AKAP13: variants seen among roughly 807,000 people sequenced by gnomAD.
The protein encoded by AKAP13 is A-kinase anchoring protein 13, also known as A-kinase anchor protein 13.
AKAP13 carries 80 observed loss-of-function variants against 264.5 expected under a neutral mutation model. The observed-to-expected ratio is 0.30, with a 90% confidence interval of 0.25 to 0.36. The LOEUF (loss-of-function observed/expected upper bound fraction) is 0.36. Ranked by LOEUF, AKAP13 falls within the 10% of genes least tolerant of loss-of-function variation. AKAP13 has a pLI of 1.00. For missense variants in AKAP13, 3,712 were observed against 3,435.2 expected (o/e 1.08, Z -2.01); for synonymous variants, 1,380 against 1,250.2 (o/e 1.10, Z -2.19).
In AKAP13 at chr15:85,744,775, C is replaced by G; in HGVS notation, c.*98C>G. 1 of 1,171,162 alleles carries G rather than the reference C, an allele frequency of 8.5e-7. No homozygotes were observed. Among genetic ancestry groups the G allele is most frequent in the Non-Finnish European group, 1.2e-6 (1 of 836,894 alleles). The allele number at this position is 1,171,162 out of a possible 1,614,324, so 72.5% of individuals were successfully genotyped here. On this transcript the variant is annotated 3_prime_UTR_variant, in exon 37 of 37. Transcript: ENST00000394518. ...ACAAGTCTCTTACACTGGACGCCCA[C>G]TGCTCCTCAGCGTCCAGTCCTCCTG...
chr15:85,579,537 A>G lies in AKAP13; in HGVS notation c.1469A>G (p.Asp490Gly). The G allele has an allele frequency of 6.2e-7, 1 of 1,614,206 alleles. No individual in the cohort carries two copies. Among genetic ancestry groups the G allele is most frequent in the Non-Finnish European group, 8.5e-7 (1 of 1,180,034 alleles). ...ATGGAACATGGGCTCATGAACCCAG[A>G]TGCCACTGTTTGGAAGAATGTGCTT... ...GEMEHGLMNPDATVWKNVLQG... is the reference protein window; with the variant it reads ...GEMEHGLMNPGATVWKNVLQG... The change falls in exon 7 of 37, where the codon GAT (aspartate) becomes GGT (glycine). Residue 490 changes from aspartate to glycine, a missense_variant. This residue lies in a region of AKAP13 where 2,759 missense variants were observed against 2,411.7 expected (regional missense o/e 1.14). Coordinates refer to ENST00000394518, the MANE Select transcript of AKAP13 (RefSeq NM_007200.5).
chr15:85,575,095 A>C, intron 5 of AKAP13, 36 bp from the exon 6 acceptor site: 1 of 1,599,368 alleles, frequency 6.3e-7, no homozygotes, highest in Non-Finnish European at 8.6e-7. Flanking sequence ...TGGGAGGCAG[A>C]ATGTATATAT....
At position 85,619,960 on chromosome 15, in the gene AKAP13, G is replaced by A. The variant is rs968435755; in HGVS notation, c.4162-19414G>A. ...TGACCCCTTTGAGAGTTTTAATAGA[G>A]AGGAGTCTGGAAGGCAGAGATCTCC... On this transcript the variant is annotated intron_variant, in intron 8 of 36. Coordinates refer to ENST00000394518, the MANE Select transcript of AKAP13 (RefSeq NM_007200.5). The A allele has an allele frequency of 2.2e-5, 32 of 1,457,664 alleles. No individual in the cohort carries two copies. The African/African-American group carries it at 4.4e-4, about 20-fold the overall frequency. The allele number at this position is 1,457,664 out of a possible 1,614,324, so 90.3% of individuals were successfully genotyped here.
At chr15:85,387,680 T>TA (rs2070646456) in intron 1 of AKAP13, among the ~76,000 whole-genome samples, 1 of 152,120 alleles carries the variant, frequency 6.6e-6, no homozygotes, top group Non-Finnish European at 1.5e-5. Flanking sequence ...AGGGGGCAAT[T>TA]GACATTTTAA....
intron 1 of AKAP13, among the ~76,000 whole-genome samples, chr15:85,422,951 CAT>C (rs1325633022): frequency 6.6e-6 from 1 of 152,184 alleles, no homozygotes; most frequent in Non-Finnish European, 1.5e-5. Flanking sequence ...GCAAGTCACA[CAT>C]GTTTTTTGTT....
chr15:85,465,599 G>A (rs2074706265), intron 1 of AKAP13, among the ~76,000 whole-genome samples: 1 of 148,808 alleles, frequency 6.7e-6, no homozygotes, highest in Admixed American at 6.8e-5. Flanking sequence ...AGAACATGCG[G>A]TGTTTGGTTT....
intron 4 of AKAP13, chr15:85,535,640 A>AT (rs2077365304): frequency 6.6e-6 from 1 of 152,098 alleles, no homozygotes; most frequent in African/African-American, 2.4e-5. Context: ...ATAGTACTGC[A>AT]TTAGTTATTT....
chr15:85,547,389 T>C (rs2077788866), intron 5 of AKAP13, among the ~76,000 whole-genome samples: 2 of 152,236 alleles, frequency 1.3e-5, no homozygotes. Context: ...TCAAGGCTTA[T>C]TTTGATTGCC....
chr15:85,639,499 C>A, intron 9 of AKAP13, 50 bp downstream of exon 9: 2 of 1,359,764 alleles, frequency 1.5e-6, no homozygotes, highest in Non-Finnish European at 2.1e-6. Flanking sequence ...CCCACTCTGG[C>A]AGATCGTTTT....
intron 8 of AKAP13, among the ~76,000 whole-genome samples, chr15:85,639,000 C>T (rs1247308226): frequency 6.6e-6 from 1 of 152,158 alleles, no homozygotes. Flanking sequence ...CTCAAGCAGT[C>T]CTCCCACCTC....
chr15:85,644,880 C>G (rs2082482865), intron 9 of AKAP13, among the ~76,000 whole-genome samples: 1 of 152,104 alleles, frequency 6.6e-6, no homozygotes, highest in Non-Finnish European at 1.5e-5. Flanking sequence ...CCACAAATCT[C>G]TTTAACCGTG....
intron 8 of AKAP13, among the ~76,000 whole-genome samples, chr15:85,598,286 G>A (rs764678961): frequency 6.6e-6 from 1 of 152,102 alleles, no homozygotes; most frequent in African/African-American, 2.4e-5. Flanking sequence ...TTCTGGAGAG[G>A]ATGCATGATG....
At chr15:85,673,346 C>T (rs1376841099) in intron 14 of AKAP13, among the ~76,000 whole-genome samples, 1 of 152,194 alleles carries the variant, frequency 6.6e-6, no homozygotes, top group Non-Finnish European at 1.5e-5. Context: ...GCTGCAGTGT[C>T]TCCTGTCTTG....
chr15:85,440,640 G>A (rs567075214), intron 1 of AKAP13, among the ~76,000 whole-genome samples: 7 of 152,300 alleles, frequency 4.6e-5, no homozygotes, highest in Admixed American at 1.3e-4. Context: ...CTAAAAGGGA[G>A]GGGAGTATCT....
At chr15:85,450,706 T>G (rs557784689) in intron 1 of AKAP13, among the ~76,000 whole-genome samples, 1 of 152,218 alleles carries the variant, frequency 6.6e-6, no homozygotes, top group Non-Finnish European at 1.5e-5. Flanking sequence ...TTCATTGCGC[T>G]GTGGTCTGAG....
chr15:85,507,692 G>T (rs1039594650), intron 2 of AKAP13, among the ~76,000 whole-genome samples: 1 of 152,232 alleles, frequency 6.6e-6, no homozygotes, highest in Non-Finnish European at 1.5e-5. Context: ...ATGACAGGTG[G>T]TGGTCGTGTG....
chr15:85,551,148 ACT>A (rs1395944463), intron 5 of AKAP13, among the ~76,000 whole-genome samples: 1 of 152,096 alleles, frequency 6.6e-6, no homozygotes, highest in Non-Finnish European at 1.5e-5. Flanking sequence ...ATGGTTAATA[ACT>A]CTGGTTCTCA....
chr15:85,386,182 G>A (rs925704721), intron 1 of AKAP13, among the ~76,000 whole-genome samples: 2 of 152,042 alleles, frequency 1.3e-5, no homozygotes, highest in African/African-American at 2.4e-5. Flanking sequence ...ATGATATCCA[G>A]TGTTTTTTTG....
chr15:85,389,388 TA>T (rs2070744522), intron 1 of AKAP13, among the ~76,000 whole-genome samples: 1 of 152,342 alleles, frequency 6.6e-6, no homozygotes, highest in South Asian at 2.1e-4. Flanking sequence ...TTTTAGGGCT[TA>T]TCTCATTTGT....
Sources: allele counts gnomAD v4.1 joint callset (sites outside exome capture counted in the v4.1 genomes callset), GRCh38; gene constraint gnomAD v4.1.1; regional missense constraint gnomAD v4.1.1; transcripts MANE v1.5; gene names NCBI Gene and HGNC (gene_info 2026-07-23, HGNC 2026-07-21).